Variants in ADGRA1 observed in about 807,000 individuals in gnomAD.
The protein encoded by ADGRA1 is adhesion G protein-coupled receptor A1.
In ADGRA1, 12 loss-of-function variants were observed where a neutral mutation model predicts 21.3. That is an observed-to-expected ratio of 0.56 (90% CI 0.36 to 0.91). ADGRA1 has a LOEUF of 0.91. Among genes scored for constraint, ADGRA1 ranks in the 40% least tolerant of loss-of-function variants. The pLI, the probability that ADGRA1 is intolerant of heterozygous loss-of-function variation, is 0.01. For synonymous variants in ADGRA1, 385 were observed against 368.8 expected (o/e 1.04, Z -0.50); for missense variants, 790 against 805.6 (o/e 0.98, Z 0.23).
chr10:133,102,846 C>T lies in ADGRA1; in HGVS notation c.401+4C>T, dbSNP rs375704909. Reference sequence around the variant, plus strand: ...ACCCCAGGCAGCCCCTGCTCAGGTACTGAGTGCACATGGGCGCGAGGCCCC... The same window carrying T: ...ACCCCAGGCAGCCCCTGCTCAGGTATTGAGTGCACATGGGCGCGAGGCCCC... On this transcript the variant is annotated splice_donor_region_variant and intron_variant, in intron 5 of 6. Transcript: ENST00000392607. 3 of 1,606,238 alleles carry T rather than the reference C, an allele frequency of 1.9e-6. No individual in the cohort carries two copies. Among genetic ancestry groups the T allele is most frequent in the Non-Finnish European group, 2.6e-6 (3 of 1,174,534 alleles).
chr10:133,113,365 AC>A (rs1216236307), intron 5 of ADGRA1, among the ~76,000 whole-genome samples: 1 of 152,156 alleles, frequency 6.6e-6, no homozygotes, highest in Non-Finnish European at 1.5e-5. Context: ...TCCCGCCTTC[AC>A]CTGCCTCGCA....
At chr10:133,091,661 T>C (rs1851597432) in intron 2 of ADGRA1, among the ~76,000 whole-genome samples, 2 of 152,336 alleles carry the variant, frequency 1.3e-5, no homozygotes, top group Admixed American at 6.5e-5. Context: ...TCAGAGGCGC[T>C]GTTTGCTGCA....
rs556268009 is a variant in ADGRA1 at position 133,130,036 on chromosome 10, C to T, written c.*525C>T. ...TTGCGTTCTACTCCGGGGGTGGCGG[C>T]GGCAGGTCTGTCCCCAGCATTCTCG... On this transcript the variant is annotated 3_prime_UTR_variant, in exon 7 of 7. Coordinates refer to ENST00000392607, the MANE Select transcript of ADGRA1 (RefSeq NM_001083909.3). 2.2e-4 allele frequency: 34 copies of T among 156,984 alleles called. No homozygotes were observed. The highest frequency in any genetic ancestry group is 7.4e-4 in the Admixed American group (12 of 16,198). 9.7% of individuals were successfully genotyped at this position (156,984 alleles called of 1,614,324 possible). A position where few individuals can be genotyped will look rare whatever the true frequency, so the allele number is the denominator to read the frequency against.
intron 5 of ADGRA1, among the ~76,000 whole-genome samples, chr10:133,114,294 A>G (rs1355957676): frequency 6.6e-6 from 1 of 152,140 alleles, no homozygotes; most frequent in Non-Finnish European, 1.5e-5. Context: ...TGGGACACAG[A>G]CCTCGCCCTG....
rs184296432 is a variant in ADGRA1 at position 133,089,542 on chromosome 10, C to T, written c.3+630C>T. ...CTGCAGTTGCTGAATGTCTGGGTTC[C>T]GGAAGGGCTGACAGCTGAGTGAACA... On this transcript the variant is annotated intron_variant, in intron 2 of 6. Coordinates refer to ENST00000392607, the MANE Select transcript of ADGRA1 (RefSeq NM_001083909.3). Among the ~76,000 whole-genome samples, 176 of 152,282 alleles carry T rather than the reference C, an allele frequency of 1.2e-3. 1 individual carries two copies. Among genetic ancestry groups the T allele is most frequent in the Non-Finnish European group, 1.8e-3 (124 of 68,026 alleles).
intron 2 of ADGRA1, among the ~76,000 whole-genome samples, chr10:133,089,419 A>C (rs1851561313): frequency 6.6e-6 from 1 of 152,192 alleles, no homozygotes; most frequent in South Asian, 2.1e-4. Context: ...AGGCACGGGA[A>C]GGGTGTTTCA....
In ADGRA1 at chr10:133,098,777, C is replaced by T. The variant is rs757013513; in HGVS notation, c.255+14C>T. 5 of 1,606,880 alleles carry T rather than the reference C, an allele frequency of 3.1e-6. No homozygotes were observed. Among genetic ancestry groups the T allele is most frequent in the East Asian group, 2.2e-5 (1 of 44,824 alleles). ...CTGTGCCAGGCGGTGAGTGCCGGGG[C>T]GCCCTCGTTGGCTCCTCCCAGAGGG... On this transcript the variant is annotated intron_variant, in intron 4 of 6. Transcript: ENST00000392607.
chr10:133,128,818 A>C lies in ADGRA1; in HGVS notation c.990A>C (p.Ala330=). ...CCPPRKDAHP[A]LDANGAALGR... is the part of the protein sequence containing the mutation. ...CGCCCCGCAAGGACGCCCACCCCGCACTTGACGCCAACGGGGCCGCGCTGG... is the reference window on the plus strand; with the variant it reads ...CGCCCCGCAAGGACGCCCACCCCGCCCTTGACGCCAACGGGGCCGCGCTGG... Residue 330 remains alanine, a synonymous_variant, in exon 7 of 7, where the codon GCA becomes GCC. Coordinates refer to ENST00000392607, the MANE Select transcript of ADGRA1 (RefSeq NM_001083909.3). The C allele has an allele frequency of 6.9e-6, 11 of 1,604,828 alleles. No homozygotes were observed. The highest frequency in any genetic ancestry group is 9.3e-6 in the Non-Finnish European group (11 of 1,176,804).
Position 133,128,807 on chromosome 10 carries a change from G to A in ADGRA1, c.979G>A (p.Ala327Thr), listed in dbSNP as rs779430359. The A allele has an allele frequency of 7.5e-6, 12 of 1,607,008 alleles. No homozygotes were observed. Among genetic ancestry groups the A allele is most frequent in the African/African-American group, 2.7e-5 (2 of 74,680 alleles). ...GGCATGCTGCCCGCCCCGCAAGGAC[G>A]CCCACCCCGCACTTGACGCCAACGG... ...WWACCPPRKD[A>T]HPALDANGAA... is the part of the protein sequence containing the mutation. Residue 327 changes from alanine (A) to threonine (T), a missense_variant, in exon 7 of 7, where the codon GCC becomes ACC. By Grantham distance (58) the Ala-to-Thr change is moderately conservative (BLOSUM62 0). Around this residue, in one of 3 missense-constraint regions of ADGRA1, gnomAD observed 391 missense variants for 351.5 expected, o/e 1.11. Transcript: ENST00000392607.
At position 133,098,573 on chromosome 10, in the gene ADGRA1, G is replaced by A. The variant is rs1040707372; in HGVS notation, c.132-67G>A. ...CGGGGACAGAGCCTGCGCCCCAGGG[G>A]GCTCCCTTCCACGCCTCCCCCTGCA... is the stretch of plus-strand genomic sequence containing the variant. On this transcript the variant is annotated intron_variant, in intron 3 of 6. Coordinates refer to ENST00000392607, the MANE Select transcript of ADGRA1 (RefSeq NM_001083909.3). 3.2e-6 allele frequency: 5 copies of A among 1,548,742 alleles called. No homozygotes were observed. In the African/African-American group the frequency reaches 6.8e-5, roughly 21 times the overall value.
Position 133,087,928 on chromosome 10 carries a change from A to C in ADGRA1, c.-413A>C. 1 of 984,924 alleles carries C rather than the reference A, an allele frequency of 1.0e-6. No homozygotes were observed. The highest frequency in any genetic ancestry group is 1.2e-6 in the Non-Finnish European group (1 of 829,810). 61.0% of individuals were successfully genotyped at this position (984,924 alleles called of 1,614,324 possible). Reference sequence around the variant, plus strand: ...CTGTCGCCGCGGGAGGTGCGCGCAGAGGCGGCGGCGCTGCTGGCCGGGCTG... The same window carrying C: ...CTGTCGCCGCGGGAGGTGCGCGCAGCGGCGGCGGCGCTGCTGGCCGGGCTG... On this transcript the variant is annotated 5_prime_UTR_variant, in exon 1 of 7. Transcript: ENST00000392607.
intron 5 of ADGRA1, among the ~76,000 whole-genome samples, chr10:133,110,375 A>G (rs553334271): frequency 1.3e-5 from 2 of 152,384 alleles, no homozygotes; most frequent in East Asian, 3.9e-4. Context: ...GCCGTCAGTC[A>G]TAAGGTTCAT....
chr10:133,090,779 G>A (rs754571268), intron 2 of ADGRA1, among the ~76,000 whole-genome samples: 15 of 152,216 alleles, frequency 9.9e-5, no homozygotes, highest in South Asian at 2.1e-4. Context: ...AGGGCATAGG[G>A]CACAGGTCAC....
Position 133,129,192 on chromosome 10 carries a change from G to T in ADGRA1, c.1364G>T (p.Ser455Ile). The T allele has an allele frequency of 1.3e-6, 2 of 1,550,350 alleles. No homozygotes were observed. The highest frequency in any genetic ancestry group is 8.7e-7 in the Non-Finnish European group (1 of 1,146,996). Residue 455 changes from serine to isoleucine, a missense_variant, in exon 7 of 7, where the codon AGC becomes ATC. By Grantham distance (142) the Ser-to-Ile change is moderately radical (BLOSUM62 -2). Coordinates refer to ENST00000392607, the MANE Select transcript of ADGRA1 (RefSeq NM_001083909.3). Reference protein sequence around the residue: ...DGSPRSSRTDSPPSSLDGPAG... With the variant: ...DGSPRSSRTDIPPSSLDGPAG... ...AGCCCCCGCAGCTCGCGCACAGACA[G>T]CCCCCCCAGCTCTCTGGATGGCCCG... is the stretch of plus-strand genomic sequence containing the variant.
At chr10:133,092,145 G>A (rs1207118866) in intron 2 of ADGRA1, among the ~76,000 whole-genome samples, 1 of 152,244 alleles carries the variant, frequency 6.6e-6, no homozygotes, top group Non-Finnish European at 1.5e-5. Context: ...GAGGTGGGAG[G>A]GGCCCGGGAC....
chr10:133,103,414 G>T (rs1851835145), intron 5 of ADGRA1, among the ~76,000 whole-genome samples: 2 of 152,196 alleles, frequency 1.3e-5, no homozygotes, highest in Non-Finnish European at 2.9e-5. Flanking sequence ...AGGCCAGGAG[G>T]CAGGTGTGGT....
intron 5 of ADGRA1, among the ~76,000 whole-genome samples, chr10:133,120,430 T>G (rs1253366662): frequency 6.6e-6 from 1 of 152,180 alleles, no homozygotes; most frequent in Non-Finnish European, 1.5e-5. Context: ...ATATATCTTG[T>G]TTAGTGCAGC....
rs765952778 is a variant in ADGRA1 at position 133,127,346 on chromosome 10, C to T, written c.500+15C>T. 2 of 1,570,638 alleles carry T rather than the reference C, an allele frequency of 1.3e-6. No individual in the cohort carries two copies. Among genetic ancestry groups the T allele is most frequent in the East Asian group, 4.8e-5 (2 of 41,862 alleles). ...GACACGGCGTAGTGAGTACCGGGCA[C>T]CCAGAACCGGGAGCTGGGAGCAGCG... is the stretch of plus-strand genomic sequence containing the variant. On this transcript the variant is annotated intron_variant, in intron 6 of 6. Coordinates refer to ENST00000392607, the MANE Select transcript of ADGRA1 (RefSeq NM_001083909.3).
intron 2 of ADGRA1, among the ~76,000 whole-genome samples, chr10:133,094,118 C>T (rs531316915): frequency 5.5e-4 from 84 of 152,396 alleles, no homozygotes; most frequent in Non-Finnish European, 9.0e-4. Context: ...CGCCTCAGTC[C>T]GTGTGAAACC....
Sources: gnomAD v4.1 joint callset for allele counts (sites outside exome capture counted in the v4.1 genomes callset) on GRCh38, gnomAD v4.1.1 for gene constraint, gnomAD v4.1.1 regional missense constraint, MANE v1.5 for transcripts, NCBI Gene and HGNC (gene_info 2026-07-23, HGNC 2026-07-21) for gene names.